The following CEP126 variants were observed in gnomAD, a reference collection of about 807,000 sequenced individuals.
CEP126 encodes centrosomal protein 126, also known as centrosomal protein of 126 kDa.
Under a neutral mutation model 107.8 loss-of-function variants are expected in CEP126, and 74 were observed. The observed-to-expected ratio is 0.69, with a 90% CI of 0.57 to 0.83. The LOEUF (loss-of-function observed/expected upper bound fraction) is 0.83. Among genes scored for constraint, CEP126 ranks in the 40% least tolerant of loss-of-function variants. The probability of loss-of-function intolerance (pLI) is 0.00; values close to 1 mark genes in which losing one functional copy is unlikely to be tolerated. For synonymous variants in CEP126, 449 were observed against 446.0 expected (o/e 1.01, Z -0.08); for missense variants, 1,237 against 1,281.9 (o/e 0.96, Z 0.53).
At chr11:101,934,723 T>C (rs974275009) in intron 2 of CEP126, among the ~76,000 whole-genome samples, 2 of 152,136 alleles carry the variant, frequency 1.3e-5, no homozygotes, top group African/African-American at 4.8e-5. Context: ...TGCCCAATGG[T>C]ATTCCATTGT....
At chr11:101,959,428 C>A (rs906727361) in intron 5 of CEP126, among the ~76,000 whole-genome samples, 4 of 152,290 alleles carry the variant, frequency 2.6e-5, no homozygotes, top group Non-Finnish European at 5.9e-5. Flanking sequence ...GCTGGGATTA[C>A]AGGCATGAGC....
At position 101,997,627 on chromosome 11, in the gene CEP126, G is replaced by T; in HGVS notation, c.3338G>T (p.Cys1113Phe). Residue 1113 changes from cysteine to phenylalanine, a missense_variant, in exon 11 of 11, where the codon TGC (cysteine) becomes TTC (phenylalanine). Cys to Phe is a radical substitution (Grantham distance 205, BLOSUM62 -2). Transcript: ENST00000263468. The part of the protein sequence containing the change: ...LEKREDRTSS[C>F]RDKR ...AAGAGAGAAGATAGAACCAGCAGCT[G>T]CAGAGACAAGAGATAATTCCAGCAG... The T allele has an allele frequency of 1.2e-6, 2 of 1,613,838 alleles. No homozygotes were observed. The highest frequency in any genetic ancestry group is 1.7e-6 in the Non-Finnish European group (2 of 1,179,838).
chr11:101,947,280 T>C (rs114095088), intron 3 of CEP126, among the ~76,000 whole-genome samples: 1,745 of 152,300 alleles, frequency 0.011, 34 homozygotes, highest in African/African-American at 0.04. Flanking sequence ...TAGTATGTGA[T>C]ATACTATAGA....
intron 2 of CEP126, among the ~76,000 whole-genome samples, chr11:101,927,628 C>A (rs1311146412): frequency 3.3e-5 from 5 of 152,074 alleles, no homozygotes; most frequent in African/African-American, 1.2e-4. Flanking sequence ...TTTTCATTTC[C>A]AGAGTGTTGT....
chr11:101,923,200 G>GA (rs1266660902), intron 2 of CEP126, among the ~76,000 whole-genome samples: 1 of 151,858 alleles, frequency 6.6e-6, no homozygotes, highest in Non-Finnish European at 1.5e-5. Context: ...TGAAAAATTG[G>GA]AAAAAATATG....
chr11:101,964,160 C>T (rs751115282), intron 6 of CEP126, among the ~76,000 whole-genome samples: 17 of 150,726 alleles, frequency 1.1e-4, no homozygotes, highest in South Asian at 4.2e-4. Context: ...AAAGTTAGCC[C>T]GGCATGGTGG....
At chr11:101,918,098 T>C (rs1288041288) in intron 1 of CEP126, among the ~76,000 whole-genome samples, 1 of 152,098 alleles carries the variant, frequency 6.6e-6, no homozygotes, top group Non-Finnish European at 1.5e-5. Context: ...CACCCACCTG[T>C]CTTTTTTTCC....
At chr11:101,942,471 T>C (rs1940678815) in intron 2 of CEP126, among the ~76,000 whole-genome samples, 1 of 151,992 alleles carries the variant, frequency 6.6e-6, no homozygotes, top group Admixed American at 6.6e-5. Flanking sequence ...ATTCCATTAG[T>C]CTGTCTTTAT....
At chr11:101,936,519 A>G (rs2137089681) in intron 2 of CEP126, among the ~76,000 whole-genome samples, 1 of 152,250 alleles carries the variant, frequency 6.6e-6, no homozygotes, top group Non-Finnish European at 1.5e-5. Flanking sequence ...AATAAAGAGA[A>G]TTTAATGTCT....
intron 9 of CEP126, among the ~76,000 whole-genome samples, chr11:101,991,780 A>G (rs1941385276): frequency 1.3e-5 from 2 of 152,242 alleles, no homozygotes; most frequent in Admixed American, 1.3e-4. Flanking sequence ...ACACATCATC[A>G]TTGATGGATC....
intron 1 of CEP126, among the ~76,000 whole-genome samples, chr11:101,920,494 TC>T (rs1940306308): frequency 7.3e-5 from 11 of 150,956 alleles, no homozygotes; most frequent in Admixed American, 6.6e-4. Context: ...AGCTGTTTGT[TC>T]TAAAAAAGAC....
intron 4 of CEP126, among the ~76,000 whole-genome samples, chr11:101,953,340 G>C (rs539714174): frequency 6.6e-6 from 1 of 152,244 alleles, no homozygotes; most frequent in African/African-American, 2.4e-5. Context: ...TAATTATCCA[G>C]AGAAATAGAC....
At chr11:101,915,441 G>T in intron 1 of CEP126, 29 bp downstream of exon 1, 1 of 1,585,612 alleles carries the variant, frequency 6.3e-7, no homozygotes, top group African/African-American at 1.3e-5. Context: ...GGCTGCCAGG[G>T]TAGCGATGTT....
At chr11:101,992,875 T>G in intron 10 of CEP126, 33 bp downstream of exon 10, 1 of 1,478,674 alleles carries the variant, frequency 6.8e-7, no homozygotes, top group Non-Finnish European at 9.0e-7. Flanking sequence ...TTTTTCTTGT[T>G]TTAGGAAACT....
chr11:101,932,978 T>C (rs188940140), intron 2 of CEP126, among the ~76,000 whole-genome samples: 1 of 152,320 alleles, frequency 6.6e-6, no homozygotes, highest in African/African-American at 2.4e-5. Context: ...GAAGTTGACA[T>C]ATGGTCAAAC....
At chr11:101,996,475 A>T (rs965897954) in intron 10 of CEP126, among the ~76,000 whole-genome samples, 141 of 152,270 alleles carry the variant, frequency 9.3e-4, no homozygotes, top group African/African-American at 3.2e-3. Flanking sequence ...CCCAGCTCCT[A>T]TATTTGGTAA....
At chr11:101,947,589 A>G (rs998871383) in intron 3 of CEP126, among the ~76,000 whole-genome samples, 6 of 152,182 alleles carry the variant, frequency 3.9e-5, no homozygotes, top group Admixed American at 1.3e-4. Flanking sequence ...AATATACCTC[A>G]TAGGCCATAG....
At chr11:101,927,171 G>T (rs539204049) in intron 2 of CEP126, among the ~76,000 whole-genome samples, 132 of 152,206 alleles carry the variant, frequency 8.7e-4, no homozygotes, top group African/African-American at 3.0e-3. Context: ...GCATTGTGGC[G>T]CATGCCTGTA....
At chr11:101,969,671 C>T (rs981088155) in intron 6 of CEP126, among the ~76,000 whole-genome samples, 5 of 152,048 alleles carry the variant, frequency 3.3e-5, no homozygotes, top group Non-Finnish European at 5.9e-5. Context: ...AGAACAAATG[C>T]AATAATCTTG....
Sources: gnomAD v4.1 joint callset for allele counts (sites outside exome capture counted in the v4.1 genomes callset) on GRCh38, gnomAD v4.1.1 for gene constraint, MANE v1.5 for transcripts, NCBI Gene and HGNC (gene_info 2026-07-23, HGNC 2026-07-21) for gene names.